The following NCOR2 variants were observed in gnomAD, a reference collection of about 807,000 sequenced individuals.
The protein encoded by NCOR2 is CTG repeat protein 26.
Under a neutral mutation model 262.9 loss-of-function variants are expected in NCOR2, and 81 were observed. The ratio of observed to expected loss-of-function variants is 0.31; its 90% confidence interval spans 0.26 to 0.37. The LOEUF is 0.37. Among genes scored for constraint, NCOR2 ranks in the 10% least tolerant of loss-of-function variants. NCOR2 has a pLI of 1.00. For missense variants in NCOR2, 3,385 were observed against 3,621.4 expected (o/e 0.93, Z 1.68); for synonymous variants, 1,659 against 1,559.3 (o/e 1.06, Z -1.51).
intron 44 of NCOR2, among the ~76,000 whole-genome samples, chr12:124,328,183 G>A (rs567852411): frequency 4.3e-5 from 4 of 93,952 alleles, no homozygotes; most frequent in South Asian, 4.5e-4. Flanking sequence ...TGGTCCTCCC[G>A]CTGCCCCACC....
chr12:124,340,643 T>C, exon 35 of NCOR2: 1 of 1,494,338 alleles, frequency 6.7e-7, no homozygotes, highest in Non-Finnish European at 8.9e-7. Flanking sequence ...GCTGAAGGGC[T>C]GGGGCGCGGT....
chr12:124,514,610 GCCGAGGCAGGTGGATCA>G (rs1395724407), intron 1 of NCOR2: 1 of 152,128 alleles, frequency 6.6e-6, no homozygotes, highest in Admixed American at 6.6e-5. Flanking sequence ...ACTTTGAGAG[GCCGAGGCAGGTGGATCA>G]CTTGAGGTCA....
chr12:124,413,659 C>A (rs1208579299), intron 13 of NCOR2, among the ~76,000 whole-genome samples: 1 of 152,180 alleles, frequency 6.6e-6, no homozygotes, highest in Admixed American at 6.5e-5. Flanking sequence ...GCAGCCTCCA[C>A]AGCAACCCAG....
At chr12:124,390,919 C>T (rs563692048) in intron 16 of NCOR2, among the ~76,000 whole-genome samples, 1 of 152,370 alleles carries the variant, frequency 6.6e-6, no homozygotes, top group South Asian at 2.1e-4. Flanking sequence ...TCACAGACGC[C>T]GAGTGGAGAG....
At chr12:124,471,776 A>G (rs1419353057) in intron 4 of NCOR2, among the ~76,000 whole-genome samples, 1 of 152,236 alleles carries the variant, frequency 6.6e-6, no homozygotes, top group Non-Finnish European at 1.5e-5. Context: ...TATGTTGCCC[A>G]CGCTGGTCTC....
At chr12:124,475,543 C>T (rs1055908955) in intron 3 of NCOR2, among the ~76,000 whole-genome samples, 1 of 152,246 alleles carries the variant, frequency 6.6e-6, no homozygotes, top group Non-Finnish European at 1.5e-5. Context: ...CATCTACTCA[C>T]CCCTGCCATT....
intron 18 of NCOR2, among the ~76,000 whole-genome samples, chr12:124,377,708 G>A (rs1006516690): frequency 2.6e-5 from 4 of 151,776 alleles, no homozygotes; most frequent in South Asian, 4.2e-4. Context: ...GTGTGGCGGC[G>A]GGCACCTCTA....
intron 43 of NCOR2, 160 bp downstream of exon 45, chr12:124,332,159 C>T (rs1359017244): frequency 1.0e-5 from 9 of 866,868 alleles, no homozygotes; most frequent in African/African-American, 5.1e-5. Context: ...TGGGGCTCCC[C>T]AAATGTGAGG....
chr12:124,337,235 C>T, intron 37 of NCOR2, 55 bp from the exon 40 acceptor site: 2 of 1,529,268 alleles, frequency 1.3e-6, no homozygotes, highest in Non-Finnish European at 8.9e-7. Flanking sequence ...TCTTCCTCCA[C>T]CACCCTCGAT....
chr12:124,404,697 A>G (rs1448922125), intron 13 of NCOR2, among the ~76,000 whole-genome samples: 1 of 152,210 alleles, frequency 6.6e-6, no homozygotes, highest in Non-Finnish European at 1.5e-5. Flanking sequence ...AAAAGCCCCA[A>G]GGAAGAAGAG....
intron 16 of NCOR2, among the ~76,000 whole-genome samples, chr12:124,391,005 T>C (rs927531902): frequency 5.3e-5 from 8 of 152,336 alleles, no homozygotes; most frequent in African/African-American, 1.9e-4. Flanking sequence ...TGGGCACCCA[T>C]GGGGCAGCGT....
intron 16 of NCOR2, 22 bp from the exon 19 acceptor site, chr12:124,385,909 G>A (rs762397570): frequency 6.8e-6 from 11 of 1,610,772 alleles, no homozygotes; most frequent in South Asian, 1.1e-5. Context: ...GAGGAGGGCA[G>A]TGAGAAGAGG....
At chr12:124,370,287 C>T (rs558237778) in intron 20 of NCOR2, among the ~76,000 whole-genome samples, 6 of 152,384 alleles carry the variant, frequency 3.9e-5, no homozygotes, top group African/African-American at 9.6e-5. Flanking sequence ...ACTTCTCACA[C>T]GCATGGGCGC....
intron 14 of NCOR2, among the ~76,000 whole-genome samples, chr12:124,402,050 C>A (rs950079689): frequency 6.6e-6 from 1 of 152,144 alleles, no homozygotes; most frequent in Non-Finnish European, 1.5e-5. Flanking sequence ...CCCTTCCTGG[C>A]GCCTCAGGAG....
rs569681981 is a variant in NCOR2, at chr12:124,431,832, C to T, written c.883-1045G>A. 5.9e-5 allele frequency among the ~76,000 whole-genome samples: 9 copies of T among 151,708 alleles called. No homozygotes were observed. The East Asian group carries it at 1.8e-3, about 30-fold the overall frequency. On this transcript the variant is annotated intron_variant, in intron 8 of 46. Coordinates refer to ENST00000405201, the Ensembl canonical transcript of NCOR2. ...AGACAGACAGACAGACACACAGTCA[C>T]ACAGGCAGACAGACAGTCATATAGG...
At chr12:124,344,859 G>C in exon 32 of NCOR2, 2 of 1,573,542 alleles carry the variant, frequency 1.3e-6, no homozygotes, top group Non-Finnish European at 1.7e-6. Flanking sequence ...GCACGGGTGG[G>C]AACGTCCGGC....
At chr12:124,338,295 G>A (rs1301724037) in intron 37 of NCOR2, among the ~76,000 whole-genome samples, 3 of 152,082 alleles carry the variant, frequency 2.0e-5, no homozygotes, top group Non-Finnish European at 2.9e-5. Flanking sequence ...ATCACTTGAG[G>A]TCAGAAGTTT....
chr12:124,415,439 CAG>C (rs1850615902), intron 13 of NCOR2, among the ~76,000 whole-genome samples: 2 of 152,370 alleles, frequency 1.3e-5, no homozygotes, highest in South Asian at 4.1e-4. Flanking sequence ...TGCCATGGGG[CAG>C]AGAGGACTCT....
chr12:124,564,647 G>A (rs1260488571), intron 1 of NCOR2, among the ~76,000 whole-genome samples: 1 of 151,376 alleles, frequency 6.6e-6, no homozygotes, highest in African/African-American at 2.4e-5. Flanking sequence ...CCTTCCCACA[G>A]ACAGGACCCC....
Sources: allele counts gnomAD v4.1 joint callset (sites outside exome capture counted in the v4.1 genomes callset), GRCh38; gene constraint gnomAD v4.1.1; transcripts MANE v1.5; gene names NCBI Gene and HGNC (gene_info 2026-07-23, HGNC 2026-07-21).